The following CLNS1A variants were observed in gnomAD, a reference collection of about 807,000 sequenced individuals.
The protein encoded by CLNS1A is chloride nucleotide-sensitive channel 1A, also known as methylosome subunit pICln.
In CLNS1A, 16 loss-of-function variants were observed where a neutral mutation model predicts 29.4. The observed-to-expected ratio is 0.54, with a 90% CI of 0.37 to 0.83. The LOEUF (loss-of-function observed/expected upper bound fraction) is 0.83. Among genes scored for constraint, CLNS1A ranks in the 40% least tolerant of loss-of-function variants. The probability of loss-of-function intolerance (pLI) is 0.00; values close to 1 mark genes in which losing one functional copy is unlikely to be tolerated. For missense variants in CLNS1A, 235 were observed against 287.4 expected (o/e 0.82, Z 1.32); for synonymous variants, 96 against 104.8 (o/e 0.92, Z 0.51).
intron 1 of CLNS1A, among the ~76,000 whole-genome samples, chr11:77,635,049 C>T (rs1959110416): frequency 6.6e-6 from 1 of 152,330 alleles, no homozygotes; most frequent in East Asian, 1.9e-4. Context: ...AAGGGATCTG[C>T]TCACCTTGGC....
intron 5 of CLNS1A, among the ~76,000 whole-genome samples, chr11:77,620,165 C>T (rs1163552175): frequency 1.3e-5 from 2 of 152,136 alleles, no homozygotes; most frequent in African/African-American, 4.8e-5. Context: ...GGCTGTGTCC[C>T]TACCCAAATT....
chr11:77,632,944 G>A (rs1959089369), intron 1 of CLNS1A, among the ~76,000 whole-genome samples: 1 of 151,784 alleles, frequency 6.6e-6, no homozygotes, highest in Non-Finnish European at 1.5e-5. Context: ...AAAATTAGCT[G>A]GGTGTGGTGG....
intron 2 of CLNS1A, 25 bp downstream of exon 2, chr11:77,629,738 T>C: frequency 3.1e-6 from 5 of 1,603,366 alleles, no homozygotes; most frequent in Non-Finnish European, 4.3e-6. Context: ...AAAGGAGGCA[T>C]TAGATTAAAT....
chr11:77,627,531 A>G (rs1428121259), intron 2 of CLNS1A, among the ~76,000 whole-genome samples: 1 of 152,192 alleles, frequency 6.6e-6, no homozygotes, highest in South Asian at 2.1e-4. Context: ...GAAATCCTGC[A>G]TATCTTACTA....
chr11:77,623,940 T>C (rs1455049753), intron 4 of CLNS1A, among the ~76,000 whole-genome samples: 1 of 152,196 alleles, frequency 6.6e-6, no homozygotes, highest in African/African-American at 2.4e-5. Flanking sequence ...GAAATGACCT[T>C]GGCAGTGAGC....
Position 77,623,104 on chromosome 11 carries a change from A to G in CLNS1A, c.473-431T>C, listed in dbSNP as rs1958980093. Among the ~76,000 whole-genome samples, 6 of 152,314 alleles carry G rather than the reference A, an allele frequency of 3.9e-5. 1 individual carries two copies. The South Asian group carries it at 1.2e-3, about 32-fold the overall frequency. ...GTACCTACTCTCTAGGGTTATTAAA[A>G]GAGATAACAAGCCAGTAAACAGCAA... On this transcript the variant is annotated intron_variant, in intron 4 of 6. Transcript: ENST00000525428.
chr11:77,620,336 TGC>T (rs1258823443), intron 5 of CLNS1A, among the ~76,000 whole-genome samples: 2 of 152,240 alleles, frequency 1.3e-5, no homozygotes, highest in East Asian at 3.8e-4. Context: ...TTTTGCTTGC[TGC>T]CTTCCATGTA....
intron 5 of CLNS1A, among the ~76,000 whole-genome samples, chr11:77,621,661 G>A (rs1360252093): frequency 6.6e-6 from 1 of 152,186 alleles, no homozygotes; most frequent in African/African-American, 2.4e-5. Context: ...AAAGAAGGGT[G>A]TGATAGTTAA....
At chr11:77,626,319 G>A (rs1959018950) in intron 2 of CLNS1A, among the ~76,000 whole-genome samples, 1 of 152,116 alleles carries the variant, frequency 6.6e-6, no homozygotes, top group African/African-American at 2.4e-5. Context: ...CTGGGCTCAA[G>A]TGATCCTCCT....
intron 5 of CLNS1A, chr11:77,622,063 T>C (rs1401426413): frequency 2.2e-6 from 1 of 456,268 alleles, no homozygotes; most frequent in Admixed American, 2.4e-5. Context: ...ATGCCTGAAT[T>C]GACAGCCCTC....
intron 1 of CLNS1A, among the ~76,000 whole-genome samples, chr11:77,631,507 C>T (rs1054966150): frequency 2.6e-5 from 4 of 151,266 alleles, no homozygotes; most frequent in East Asian, 2.0e-4. Context: ...TTTTTAGAGA[C>T]GGGGTTTCAC....
intron 5 of CLNS1A, 35 bp from the exon 6 acceptor site, chr11:77,619,730 T>C (rs772063555): frequency 1.4e-6 from 2 of 1,407,358 alleles, no homozygotes; most frequent in East Asian, 4.6e-5. Context: ...GCAATCCCTA[T>C]GAACACTTCA....
rs775215423 is a variant in CLNS1A, at chr11:77,637,676, C to T, written c.39G>A (p.Ala13=). The change falls in exon 1 of 7, where the codon GCG becomes GCA. Residue 13 remains alanine (A), a synonymous_variant. Transcript: ENST00000525428. The part of the protein sequence containing the change: ...FLKSFPPPGP[A]EGLLRQQPDT... ...CTGGCTGCTGCCGCAGGAGCCCCTC[C>T]GCTGGCCCAGGCGGCGGGAAACTTT... The T allele has an allele frequency of 1.6e-5, 25 of 1,567,180 alleles. No homozygotes were observed. The African/African-American group carries it at 2.9e-4, about 18-fold the overall frequency.
At chr11:77,628,088 T>C (rs1245974929) in intron 2 of CLNS1A, among the ~76,000 whole-genome samples, 2 of 152,180 alleles carry the variant, frequency 1.3e-5, no homozygotes, top group South Asian at 2.1e-4. Context: ...CCTCCCAAAG[T>C]GTTGGGATTA....
intron 6 of CLNS1A, among the ~76,000 whole-genome samples, chr11:77,617,298 G>A (rs558799975): frequency 2.6e-5 from 4 of 150,948 alleles, no homozygotes; most frequent in South Asian, 2.1e-4. Flanking sequence ...AACCCGGGGG[G>A]GCGGAGGATT....
chr11:77,635,136 A>C (rs1959111707), intron 1 of CLNS1A, among the ~76,000 whole-genome samples: 1 of 152,198 alleles, frequency 6.6e-6, no homozygotes, highest in Admixed American at 6.5e-5. Flanking sequence ...TAAGAACTTA[A>C]AAAGAGTTAT....
chr11:77,636,650 CG>C (rs2135781827), intron 1 of CLNS1A, among the ~76,000 whole-genome samples: 1 of 152,216 alleles, frequency 6.6e-6, no homozygotes, highest in East Asian at 1.9e-4. Context: ...ACTTCACAAA[CG>C]TAATTAAGGT....
Position 77,633,084 on chromosome 11 carries a change from CA to C in CLNS1A, c.126-3186del, listed in dbSNP as rs887085397. On this transcript the variant is annotated intron_variant, in intron 1 of 6. Transcript: ENST00000525428. ...CCTGGGCAACGGGGAGACTCCATCT[CA>C]AAAAAAAAAAAAAAAAAAAAGAGAT... Among the ~76,000 whole-genome samples the C allele has an allele frequency of 7.8e-3, 431 of 55,578 alleles. 2 individuals are homozygous for C. The highest frequency in any genetic ancestry group is 0.037 in the Middle Eastern group (4 of 108). 36.5% of individuals were successfully genotyped at this position (55,578 alleles called of 152,430 possible).
rs752906223 is a variant in CLNS1A at position 77,622,705 on chromosome 11, A to C, written c.473-32T>G. 1.3e-6 allele frequency: 2 copies of C among 1,504,184 alleles called. 1 individual carries two copies. The highest frequency in any genetic ancestry group is 1.8e-6 in the Non-Finnish European group (2 of 1,120,654). The allele number at this position is 1,504,184 out of a possible 1,614,324, so 93.2% of individuals were successfully genotyped here. On this transcript the variant is annotated intron_variant, in intron 4 of 6. Transcript: ENST00000525428. ...AAACAGAAAACTTTAAAGTTTAAAT[A>C]CAACAATTAGAAAAAACAAAATGGA...
Sources: allele counts gnomAD v4.1 joint callset (sites outside exome capture counted in the v4.1 genomes callset), GRCh38; gene constraint gnomAD v4.1.1; transcripts MANE v1.5; gene names NCBI Gene and HGNC (gene_info 2026-07-23, HGNC 2026-07-21).